Variants in ORMDL1 observed in about 807,000 individuals in gnomAD.
ORMDL1 encodes ORMDL sphingolipid biosynthesis regulator 1.
Under a neutral mutation model 13.0 loss-of-function variants are expected in ORMDL1, and 10 were observed. The ratio of observed to expected loss-of-function variants is 0.77; its 90% CI spans 0.47 to 1.30. ORMDL1 has a LOEUF of 1.30. Ranked by LOEUF, ORMDL1 falls within the 50% of genes most tolerant of loss-of-function variation. The pLI is 0.00. For missense variants in ORMDL1, 171 were observed against 186.7 expected, an observed-to-expected ratio of 0.92 and a Z score of 0.49; for synonymous variants, 61 against 63.9, an observed-to-expected ratio of 0.95 and a Z score of 0.22.
chr2:189,777,140 A>G (rs2047714939), intron 3 of ORMDL1, among the ~76,000 whole-genome samples: 1 of 152,212 alleles, frequency 6.6e-6, no homozygotes, highest in African/African-American at 2.4e-5. Flanking sequence ...TATTGAAAAT[A>G]CGATTACAGT....
chr2:189,776,739 C>T (rs1405384243), intron 3 of ORMDL1, among the ~76,000 whole-genome samples: 3 of 152,046 alleles, frequency 2.0e-5, no homozygotes, highest in Non-Finnish European at 4.4e-5. Flanking sequence ...TACAATAACA[C>T]GTAAGCTATG....
intron 1 of ORMDL1, chr2:189,783,492 A>C (rs1338005727): frequency 6.6e-6 from 1 of 152,210 alleles, no homozygotes; most frequent in African/African-American, 2.4e-5. Flanking sequence ...TTACGGAGTT[A>C]GCATACAGAG....
At chr2:189,779,474 A>G (rs1411900041) in intron 3 of ORMDL1, among the ~76,000 whole-genome samples, 1 of 152,218 alleles carries the variant, frequency 6.6e-6, no homozygotes, top group Non-Finnish European at 1.5e-5. Context: ...GCTTAAGCCA[A>G]AACAATAAAA....
the ORMDL1 span, among the ~76,000 whole-genome samples, chr2:189,764,665 A>G: frequency 3.3e-5 from 5 of 152,192 alleles, no homozygotes; most frequent in Non-Finnish European, 7.3e-5. Context: ...AATGCCACTC[A>G]TGGGCATTCT....
intron 4 of ORMDL1, among the ~76,000 whole-genome samples, chr2:189,772,933 C>T (rs1322876792): frequency 6.6e-6 from 1 of 152,174 alleles, no homozygotes; most frequent in Non-Finnish European, 1.5e-5. Flanking sequence ...ATTTTGCAAA[C>T]TACAGTCAGA....
chr2:189,766,671 C>T (rs2047487643), downstream of ORMDL1, among the ~76,000 whole-genome samples: 1 of 151,958 alleles, frequency 6.6e-6, no homozygotes, highest in South Asian at 2.1e-4. Flanking sequence ...TTGCAGTGAG[C>T]TGGGATTGCA....
downstream of ORMDL1, among the ~76,000 whole-genome samples, chr2:189,765,818 C>G (rs1369659740): frequency 6.7e-6 from 1 of 149,212 alleles, no homozygotes; most frequent in Non-Finnish European, 1.5e-5. Context: ...GCTAAAAATA[C>G]ATTGCCATTT....
chr2:189,773,009 T>C (rs2047613005), intron 4 of ORMDL1, among the ~76,000 whole-genome samples: 1 of 152,222 alleles, frequency 6.6e-6, no homozygotes, highest in Non-Finnish European at 1.5e-5. Context: ...TTTTCATATA[T>C]TTGAAGACTA....
At chr2:189,768,038 A>G (rs2047511419), downstream of ORMDL1, among the ~76,000 whole-genome samples, 1 of 152,218 alleles carries the variant, frequency 6.6e-6, no homozygotes, top group Non-Finnish European at 1.5e-5. Flanking sequence ...AAATTTTTAA[A>G]CCCAACATAA....
At chr2:189,781,944 A>G (rs2047847802) in intron 3 of ORMDL1, among the ~76,000 whole-genome samples, 1 of 49,872 alleles carries the variant, frequency 2.0e-5, no homozygotes, top group African/African-American at 5.7e-5. Context: ...CATCTTAGAC[A>G]CTTTTTTTTT....
chr2:189,781,700 G>T (rs2106157316), intron 3 of ORMDL1, among the ~76,000 whole-genome samples: 1 of 151,964 alleles, frequency 6.6e-6, no homozygotes, highest in East Asian at 1.9e-4. Context: ...TTAGAAAAAG[G>T]ACCAATGTTG....
Position 189,782,508 on chromosome 2 carries a change from C to T in ORMDL1, c.88G>A (p.Val30Ile), listed in dbSNP as rs761768957. The T allele has an allele frequency of 2.5e-6, 4 of 1,614,186 alleles. No individual in the cohort carries two copies. The Admixed American group carries it at 5.0e-5, about 20-fold the overall frequency. ...AGTAAGACAATATGAAGCAAGCCAA[C>T]TCCCAATGCATATGTCAGCCACATA... ...RGMWLTYALGVGLLHIVLLSI... is the reference protein window; with the variant it reads ...RGMWLTYALGIGLLHIVLLSI... Residue 30 changes from valine (V) to isoleucine (I), a missense_variant, in exon 3 of 5, where the codon GTT becomes ATT. Coordinates refer to ENST00000392349, the MANE Select transcript of ORMDL1 (RefSeq NM_016467.5).
intron 3 of ORMDL1, chr2:189,778,206 CCAA>C (rs1246823161): frequency 2.4e-6 from 1 of 415,656 alleles, no homozygotes; most frequent in African/African-American, 2.1e-5. Flanking sequence ...ACCAGCCTGA[CCAA>C]CATGGTGAAA....
rs1307367601 is a variant in ORMDL1 at position 189,775,659 on chromosome 2, C to T, written c.232G>A (p.Gly78Ser). The T allele has an allele frequency of 6.2e-7, 1 of 1,613,894 alleles. No homozygotes were observed. The highest frequency in any genetic ancestry group is 1.7e-5 in the Admixed American group (1 of 60,014). ...KGTPFETPDQ[G>S]KARLLTHWEQ... ...CAATGAGTTAGGAGCCTTGCTTTAC[C>T]CTGGTCAGGAGTTTCGAAAGGTGTT... Residue 78 changes from glycine to serine, a missense_variant, in exon 4 of 5, where the codon GGT (glycine) becomes AGT (serine). Gly to Ser is a moderately conservative substitution (Grantham distance 56, BLOSUM62 0). Coordinates refer to ENST00000392349, the MANE Select transcript of ORMDL1 (RefSeq NM_016467.5).
At chr2:189,769,458 C>A (rs2047536085), downstream of ORMDL1, among the ~76,000 whole-genome samples, 1 of 151,912 alleles carries the variant, frequency 6.6e-6, no homozygotes, top group South Asian at 2.1e-4. Context: ...CTAACTTAGC[C>A]TCATATAGCT....
intron 4 of ORMDL1, among the ~76,000 whole-genome samples, chr2:189,772,435 C>T (rs1225285835): frequency 3.9e-5 from 6 of 152,178 alleles, no homozygotes; most frequent in Admixed American, 3.3e-4. Context: ...AGCTCTATAA[C>T]CAGTTTAACC....
chr2:189,767,451 A>G (rs62184268), downstream of ORMDL1, among the ~76,000 whole-genome samples: 16,313 of 152,302 alleles, frequency 0.11, 1,135 homozygotes, highest in Middle Eastern at 0.17. Context: ...AATGGTCAAC[A>G]TAAATGCAGA....
intron 3 of ORMDL1, among the ~76,000 whole-genome samples, chr2:189,778,796 G>A (rs1056412204): frequency 6.6e-6 from 1 of 152,154 alleles, no homozygotes; most frequent in Non-Finnish European, 1.5e-5. Context: ...TCAGGACGCT[G>A]AGGCAGGAGA....
At position 189,776,733 on chromosome 2, in the gene ORMDL1, A is replaced by G. The variant is rs139970604; in HGVS notation, c.175-1017T>C. On this transcript the variant is annotated intron_variant, in intron 3 of 4. Transcript: ENST00000392349. ...GCAATTCAGAAGTCGTTTAGCTACA[A>G]TAACACGTAAGCTATGGAGGAAAGG... 1.1e-4 allele frequency among the ~76,000 whole-genome samples: 16 copies of G among 152,272 alleles called. No homozygotes were observed. In the East Asian group the frequency reaches 2.7e-3, roughly 26 times the overall value.
Sources: allele counts gnomAD v4.1 joint callset (sites outside exome capture counted in the v4.1 genomes callset), GRCh38; gene constraint gnomAD v4.1.1; transcripts MANE v1.5; gene names NCBI Gene and HGNC (gene_info 2026-07-23, HGNC 2026-07-21).